Variants in WDR25 observed in about 807,000 individuals in gnomAD.
The protein encoded by WDR25 is WD repeat domain 25.
In WDR25, 35 loss-of-function variants were observed where a neutral mutation model predicts 47.7. That is an observed-to-expected ratio of 0.73 (90% CI 0.56 to 0.97). WDR25 has a LOEUF of 0.97. Among genes scored for constraint, WDR25 ranks in the 50% least tolerant of loss-of-function variants. WDR25 has a pLI of 0.00. For synonymous variants in WDR25, 248 were observed against 278.9 expected, an observed-to-expected ratio of 0.89 and a Z score of 1.10; for missense variants, 634 against 704.7, an observed-to-expected ratio of 0.90 and a Z score of 1.14.
intron 4 of WDR25, among the ~76,000 whole-genome samples, chr14:100,519,411 C>T (rs984798430): frequency 2.0e-5 from 3 of 151,816 alleles, no homozygotes; most frequent in Non-Finnish European, 4.4e-5. Flanking sequence ...AGTTTACTAA[C>T]GGTTTCTTTT....
intron 2 of WDR25, among the ~76,000 whole-genome samples, chr14:100,421,318 TC>T (rs1160764930): frequency 6.6e-6 from 1 of 152,242 alleles, no homozygotes; most frequent in African/African-American, 2.4e-5. Flanking sequence ...GGCTTATTGG[TC>T]CCCCAGTCAG....
At chr14:100,465,678 A>C (rs1304858245) in intron 2 of WDR25, among the ~76,000 whole-genome samples, 3 of 152,226 alleles carry the variant, frequency 2.0e-5, no homozygotes, top group African/African-American at 7.2e-5. Context: ...ATGGATGTAC[A>C]GTATCTTTTT....
intron 2 of WDR25, among the ~76,000 whole-genome samples, chr14:100,431,549 CTTTT>C (rs777753335): frequency 7.2e-6 from 1 of 139,348 alleles, no homozygotes. Flanking sequence ...TTGGTAATTT[CTTTT>C]TTTTTTTTTT....
In WDR25 at chr14:100,449,423, C is replaced by A. The variant is rs941472027; in HGVS notation, c.823-18598C>A. 2.0e-5 allele frequency among the ~76,000 whole-genome samples: 3 copies of A among 152,200 alleles called. No homozygotes were observed. The highest frequency in any genetic ancestry group is 7.2e-5 in the African/African-American group (3 of 41,452). ...GCCATGGCAGCAGGACATGAGCAAC[C>A]TGACTTTCTGAGAGTGGTCACCTCT... is the stretch of plus-strand genomic sequence containing the variant. On this transcript the variant is annotated intron_variant, in intron 2 of 6. Transcript: ENST00000402312. This position sits in a 1 kb window ranked among gnomAD's most constrained non-coding sequence, Gnocchi z 4.2.
intron 4 of WDR25, chr14:100,504,440 C>T (rs1397642389): frequency 4.6e-5 from 7 of 152,160 alleles, no homozygotes; most frequent in African/African-American, 1.4e-4. Context: ...TGTAATTTAA[C>T]ACATTCCTCT....
intron 2 of WDR25, among the ~76,000 whole-genome samples, chr14:100,457,392 G>C (rs1400454247): frequency 2.6e-5 from 4 of 152,196 alleles, no homozygotes; most frequent in Non-Finnish European, 5.9e-5. Flanking sequence ...GAAGACAGTG[G>C]AACACCGTTT....
At chr14:100,433,059 G>T (rs147076902) in intron 2 of WDR25, among the ~76,000 whole-genome samples, 1 of 152,342 alleles carries the variant, frequency 6.6e-6, no homozygotes, top group East Asian at 1.9e-4. Flanking sequence ...CGTGCATGTG[G>T]ATCGTCATTG....
At position 100,428,691 on chromosome 14, in the gene WDR25, C is replaced by CCATTT. The variant is rs1205734439; in HGVS notation, c.823-39327_823-39323dup. 6.6e-6 allele frequency among the ~76,000 whole-genome samples: 1 copy of CCATTT among 152,140 alleles called. No homozygotes were observed. Among genetic ancestry groups the CCATTT allele is most frequent in the Non-Finnish European group, 1.5e-5 (1 of 68,020 alleles). The stretch of plus-strand genomic sequence containing the variant: ...TGCTGAGAGCTGCCCCTGTGAGGAG[C>CCATTT]CATTTCACTTCTTTCTTCAAGTGGA... On this transcript the variant is annotated intron_variant, in intron 2 of 6. Transcript: ENST00000402312. This position sits in a 1 kb window ranked among gnomAD's most constrained non-coding sequence, Gnocchi z 4.3.
intron 5 of WDR25, among the ~76,000 whole-genome samples, chr14:100,526,796 C>T (rs1000576568): frequency 8.2e-5 from 12 of 145,536 alleles, no homozygotes; most frequent in African/African-American, 3.0e-4. Context: ...CCACCATCAT[C>T]ACCAGCACCA....
At chr14:100,528,806 T>A (rs1170759761) in intron 5 of WDR25, among the ~76,000 whole-genome samples, 1 of 152,178 alleles carries the variant, frequency 6.6e-6, no homozygotes, top group East Asian at 1.9e-4. Flanking sequence ...TGGATTCCCC[T>A]CCAGCCTCCA....
At chr14:100,414,697 C>T (rs1313325000) in intron 2 of WDR25, among the ~76,000 whole-genome samples, 2 of 152,066 alleles carry the variant, frequency 1.3e-5, no homozygotes, top group South Asian at 2.1e-4. Flanking sequence ...AGTGGAACTG[C>T]AGGCTCATAT....
chr14:100,432,515 G>A (rs1181048196), intron 2 of WDR25, among the ~76,000 whole-genome samples: 1 of 152,204 alleles, frequency 6.6e-6, no homozygotes, highest in Non-Finnish European at 1.5e-5. Flanking sequence ...GCTTACGGAA[G>A]AGTTGCAAGA....
At chr14:100,495,069 A>G (rs1298988432) in intron 4 of WDR25, among the ~76,000 whole-genome samples, 1 of 152,262 alleles carries the variant, frequency 6.6e-6, no homozygotes, top group African/African-American at 2.4e-5. Context: ...ATTTTAAAGT[A>G]GTTCTGGCTG....
rs762780794 is a variant in WDR25 at position 100,380,952 on chromosome 14, G to A, written c.28G>A (p.Ala10Thr). 8 of 1,613,898 alleles carry A rather than the reference G, an allele frequency of 5.0e-6. No homozygotes were observed. In the East Asian group the frequency reaches 1.6e-4, roughly 31 times the overall value. MTARTLSLMASLVAYDDSDS... is the reference protein window; with the variant it reads MTARTLSLMTSLVAYDDSDS... ...GACAGCAAGAACTCTGTCTTTAATG[G>A]CTTCATTGGTAGCGTATGATGATTC... Residue 10 changes from alanine (A) to threonine (T), a missense_variant, in exon 2 of 7, where the codon GCT (alanine) becomes ACT (threonine). Transcript: ENST00000402312.
chr14:100,456,378 A>T (rs944039281), intron 2 of WDR25, among the ~76,000 whole-genome samples: 2 of 152,318 alleles, frequency 1.3e-5, no homozygotes, highest in African/African-American at 2.4e-5. Context: ...ACATGCAAAG[A>T]AGTAAAAAAA....
At chr14:100,416,015 T>G (rs533991439) in intron 2 of WDR25, among the ~76,000 whole-genome samples, 17 of 152,346 alleles carry the variant, frequency 1.1e-4, no homozygotes, top group African/African-American at 4.1e-4. Flanking sequence ...GAATCTTTAC[T>G]GAGCACCTAG....
At chr14:100,470,067 G>A (rs570918612) in intron 3 of WDR25, among the ~76,000 whole-genome samples, 18 of 152,328 alleles carry the variant, frequency 1.2e-4, no homozygotes, top group Admixed American at 9.1e-4. Context: ...ATCTAGATTG[G>A]AAAATCAAGG....
chr14:100,452,315 A>C (rs892569652), intron 2 of WDR25, among the ~76,000 whole-genome samples: 6 of 152,262 alleles, frequency 3.9e-5, no homozygotes, highest in South Asian at 2.1e-4. Context: ...AACAAAACAG[A>C]TAATGAAGAG....
intron 1 of WDR25, among the ~76,000 whole-genome samples, chr14:100,378,389 G>A (rs1190448784): frequency 2.0e-5 from 3 of 152,028 alleles, no homozygotes; most frequent in African/African-American, 4.8e-5. Flanking sequence ...GGCTGGTCTC[G>A]AACTCGACCT....
Sources: gnomAD v4.1 joint callset for allele counts (sites outside exome capture counted in the v4.1 genomes callset) on GRCh38, gnomAD v4.1.1 for gene constraint, Gnocchi (gnomAD v3.1) non-coding constraint, MANE v1.5 for transcripts, NCBI Gene and HGNC (gene_info 2026-07-23, HGNC 2026-07-21) for gene names.